The following HHIP variants were observed in gnomAD, a reference collection of about 807,000 sequenced individuals.
HHIP encodes the protein hedgehog-interacting protein.
HHIP carries 12 observed loss-of-function variants against 74.0 expected under a neutral mutation model. The observed-to-expected ratio is 0.16, with a 90% CI of 0.10 to 0.26. The LOEUF is 0.26. Ranked by LOEUF, HHIP falls within the 10% of genes least tolerant of loss-of-function variation. HHIP has a pLI of 1.00. For missense variants in HHIP, 788 were observed against 845.0 expected, an observed-to-expected ratio of 0.93 and a Z score of 0.84; for synonymous variants, 309 against 311.6, an observed-to-expected ratio of 0.99 and a Z score of 0.09.
At chr4:144,724,666 G>GTATATATATATATTTATATATATATA (rs1730742346) in intron 11 of HHIP, among the ~76,000 whole-genome samples, 3 of 120,190 alleles carry the variant, frequency 2.5e-5, no homozygotes, top group South Asian at 3.5e-4. Flanking sequence ...GTGTGTGTGT[G>GTATATATATATATTTATATATATATA]TGTATATATA....
rs1452690619 is a variant in HHIP at position 144,652,644 on chromosome 4, C to T, written c.319C>T (p.Leu107=). 2.5e-6 allele frequency: 4 copies of T among 1,610,838 alleles called. No individual in the cohort carries two copies. The Admixed American group carries it at 6.7e-5, about 27-fold the overall frequency. ...VTNNTECGKL[L]EEIKCALCSP... ...CAACAACACAGAATGTGGGAAGTTA[C>T]TGGAGGAAATCAAATGTGCACTTTG... Residue 107 remains leucine (L), a synonymous_variant, in exon 2 of 13, where the codon CTG becomes TTG. Transcript: ENST00000296575.
chr4:144,659,398 T>C (rs954669960), intron 3 of HHIP, among the ~76,000 whole-genome samples: 2 of 152,224 alleles, frequency 1.3e-5, no homozygotes, highest in African/African-American at 2.4e-5. Context: ...TTTGAAAATA[T>C]ATACATGTTT....
intron 11 of HHIP, among the ~76,000 whole-genome samples, chr4:144,723,565 A>G (rs565087954): frequency 2.4e-4 from 36 of 152,324 alleles, no homozygotes; most frequent in African/African-American, 8.2e-4. Context: ...CCAATAAGCC[A>G]GTCTAGTCCC....
At chr4:144,693,298 T>G (rs999011483) in intron 4 of HHIP, among the ~76,000 whole-genome samples, 2 of 152,148 alleles carry the variant, frequency 1.3e-5, no homozygotes, top group African/African-American at 4.8e-5. Context: ...GGTTAGTCTT[T>G]CACTGTTTGG....
chr4:144,663,524 G>A (rs954254739), intron 4 of HHIP, among the ~76,000 whole-genome samples: 3 of 152,140 alleles, frequency 2.0e-5, no homozygotes, highest in African/African-American at 4.8e-5. Flanking sequence ...ACTAAGAGCA[G>A]GTGGTTGGAT....
intron 4 of HHIP, chr4:144,660,115 G>T (rs890395916): frequency 1.9e-6 from 1 of 513,218 alleles, no homozygotes; most frequent in African/African-American, 2.0e-5. Flanking sequence ...GCTTTATAAA[G>T]TATTGTTTAA....
rs1011603735 is a variant in HHIP at position 144,743,709 on chromosome 4, G to A, written c.*5752G>A. ...TGACTATAATCTTCTAAGTCAAAAA[G>A]AAAACATTTAAGTACATAATATAAA... On this transcript the variant is annotated 3_prime_UTR_variant, in exon 13 of 13. Transcript: ENST00000296575. 6.6e-6 allele frequency: 1 copy of A among 151,868 alleles called. No individual in the cohort carries two copies. Among genetic ancestry groups the A allele is most frequent in the Admixed American group, 6.6e-5 (1 of 15,246 alleles). The allele number at this position is 151,868 out of a possible 1,614,324, so 9.4% of individuals were successfully genotyped here. A position where few individuals can be genotyped will look rare whatever the true frequency, so the allele number is the denominator to read the frequency against.
chr4:144,714,826 G>A (rs1730400033), intron 9 of HHIP, among the ~76,000 whole-genome samples: 1 of 152,076 alleles, frequency 6.6e-6, no homozygotes, highest in South Asian at 2.1e-4. Flanking sequence ...CAATTTTCAA[G>A]GTCACATTGT....
chr4:144,650,273 G>A (rs1206650815), intron 1 of HHIP, among the ~76,000 whole-genome samples: 1 of 152,048 alleles, frequency 6.6e-6, no homozygotes, highest in Admixed American at 6.5e-5. Flanking sequence ...AAGATTAAAG[G>A]ATGACCTGCC....
chr4:144,701,782 T>C (rs979717462), intron 4 of HHIP, among the ~76,000 whole-genome samples: 13 of 152,236 alleles, frequency 8.5e-5, no homozygotes, highest in African/African-American at 2.9e-4. Flanking sequence ...TGTGGATGAC[T>C]GAACTTGAAG....
intron 4 of HHIP, among the ~76,000 whole-genome samples, chr4:144,686,406 G>C (rs1041420682): frequency 6.6e-6 from 1 of 152,082 alleles, no homozygotes; most frequent in African/African-American, 2.4e-5. Flanking sequence ...AAGAAAAAAG[G>C]CTGGGTTAAA....
chr4:144,661,818 T>C (rs529059108), intron 4 of HHIP, among the ~76,000 whole-genome samples: 11 of 152,384 alleles, frequency 7.2e-5, no homozygotes, highest in Non-Finnish European at 1.3e-4. Context: ...ATAATCATTT[T>C]GCATAAGTAA....
At chr4:144,735,143 G>A (rs1193918313) in intron 12 of HHIP, among the ~76,000 whole-genome samples, 1 of 152,032 alleles carries the variant, frequency 6.6e-6, no homozygotes, top group Non-Finnish European at 1.5e-5. Flanking sequence ...CTTTCAAAAA[G>A]TAAAAAATGC....
intron 11 of HHIP, among the ~76,000 whole-genome samples, chr4:144,725,858 CG>C (rs1242013644): frequency 3.3e-5 from 5 of 151,854 alleles, no homozygotes; most frequent in Non-Finnish European, 5.9e-5. Flanking sequence ...TTTGTAGAGA[CG>C]GGGGTTTCAC....
intron 3 of HHIP, 116 bp downstream of exon 3, chr4:144,659,062 G>A (rs1164505408): frequency 6.6e-6 from 5 of 762,514 alleles, no homozygotes; most frequent in Non-Finnish European, 9.9e-6. Context: ...TCCTCCAGAT[G>A]CTTTAGTTTT....
intron 11 of HHIP, 73 bp from the exon 12 acceptor site, chr4:144,734,668 C>A: frequency 8.0e-7 from 1 of 1,249,460 alleles, no homozygotes; most frequent in Non-Finnish European, 1.1e-6. Flanking sequence ...TTGTAAGCCA[C>A]AGAATCACTA....
intron 1 of HHIP, among the ~76,000 whole-genome samples, chr4:144,649,771 TC>T (rs1200516321): frequency 2.0e-5 from 3 of 152,218 alleles, no homozygotes; most frequent in Admixed American, 2.0e-4. Context: ...CCTTTTACAA[TC>T]ATTTGTTTGC....
chr4:144,683,986 C>G (rs185523820), intron 4 of HHIP, among the ~76,000 whole-genome samples: 1 of 151,336 alleles, frequency 6.6e-6, no homozygotes, highest in Non-Finnish European at 1.5e-5. Flanking sequence ...TTGCTTGAAC[C>G]CAGGAGGCAG....
rs1730382197 is a variant in HHIP, at chr4:144,714,239, C to A, written c.1438C>A (p.Leu480Ile). The change falls in exon 9 of 13, where the codon CTT (leucine) becomes ATT (isoleucine). Residue 480 changes from leucine to isoleucine, a missense_variant. Physicochemically the swap from Leu to Ile is conservative, Grantham distance 5. Transcript: ENST00000296575. ...TTTCTTTCCAGAAAGTGAGCCATCACTTTTAGAATTCAAGCCATTCAGTAA... is the reference window on the plus strand; with the variant it reads ...TTTCTTTCCAGAAAGTGAGCCATCAATTTTAGAATTCAAGCCATTCAGTAA... ...KGKDYESEPS[L>I]LEFKPFSNGP... The A allele has an allele frequency of 6.2e-7, 1 of 1,612,922 alleles. No homozygotes were observed. Among genetic ancestry groups the A allele is most frequent in the Non-Finnish European group, 8.5e-7 (1 of 1,179,184 alleles).
Sources: allele counts gnomAD v4.1 joint callset (sites outside exome capture counted in the v4.1 genomes callset), GRCh38; gene constraint gnomAD v4.1.1; transcripts MANE v1.5; gene names NCBI Gene and HGNC (gene_info 2026-07-23, HGNC 2026-07-21).